Variants in RPH3AL observed in about 807,000 individuals in gnomAD.
RPH3AL encodes the protein rab effector Noc2.
In RPH3AL, 38 loss-of-function variants were observed where a neutral mutation model predicts 43.1. The ratio of observed to expected loss-of-function variants is 0.88; its 90% CI spans 0.68 to 1.15. The LOEUF (loss-of-function observed/expected upper bound fraction) is 1.15. Among genes scored for constraint, RPH3AL ranks in the 50% most tolerant of loss-of-function variants. The pLI is 0.00. For synonymous variants in RPH3AL, 189 were observed against 176.3 expected, an observed-to-expected ratio of 1.07 and a Z score of -0.57; for missense variants, 462 against 423.2, an observed-to-expected ratio of 1.09 and a Z score of -0.81.
chr17:319,383 G>A, intron 5 of RPH3AL, 37 bp downstream of exon 5: 2 of 1,604,018 alleles, frequency 1.2e-6, no homozygotes, highest in South Asian at 1.1e-5. Context: ...GGTCCAGGCT[G>A]GGAAGCCAGA....
chr17:348,299 C>T (rs1364206304), intron 1 of RPH3AL, among the ~76,000 whole-genome samples: 2 of 152,090 alleles, frequency 1.3e-5, no homozygotes, highest in African/African-American at 2.4e-5. Context: ...CATTATTCTC[C>T]CCACATGTCC....
In RPH3AL at chr17:310,315, C is replaced by T. The variant is rs945929564; in HGVS notation, c.351+9105G>A. 1.1e-4 allele frequency among the ~76,000 whole-genome samples: 16 copies of T among 152,272 alleles called. 1 individual carries two copies. The South Asian group carries it at 2.3e-3, about 22-fold the overall frequency. The stretch of plus-strand genomic sequence containing the variant: ...ACGGAGGGGACGCAGCTCCGAGGAC[C>T]GGCATCTCGGCTTCCACCCACAAGC... On this transcript the variant is annotated intron_variant, in intron 5 of 9. Coordinates refer to ENST00000331302, the MANE Select transcript of RPH3AL (RefSeq NM_006987.4).
rs529446226 is a variant in RPH3AL, at chr17:236,852, G to A, written c.613+10259C>T. On this transcript the variant is annotated intron_variant, in intron 7 of 9. Transcript: ENST00000331302. ...GACAGCCTGACGCTGCACGGCTTCC[G>A]CCACGGGCGGGGCATGCGCTGGGTT... 1.3e-4 allele frequency among the ~76,000 whole-genome samples: 20 copies of A among 152,398 alleles called. No individual in the cohort carries two copies. In the East Asian group the frequency reaches 1.5e-3, roughly 12 times the overall value.
intron 5 of RPH3AL, among the ~76,000 whole-genome samples, chr17:284,307 GC>G (rs1567613284): frequency 6.6e-6 from 1 of 152,186 alleles, no homozygotes; most frequent in Non-Finnish European, 1.5e-5. Flanking sequence ...AGGTCACACA[GC>G]TCGTTCACGG....
intron 7 of RPH3AL, among the ~76,000 whole-genome samples, chr17:241,055 C>CAATAATAATAAT (rs57086885): frequency 1.2e-4 from 17 of 143,658 alleles, no homozygotes; most frequent in South Asian, 4.6e-4. Context: ...GACTCCATCT[C>CAATAATAATAAT]AATAATAATA....
At chr17:249,647 G>A (rs1337490743) in intron 6 of RPH3AL, among the ~76,000 whole-genome samples, 1 of 145,942 alleles carries the variant, frequency 6.9e-6, no homozygotes, top group East Asian at 2.0e-4. Context: ...CATCACATTA[G>A]TACTGTGGGA....
At chr17:251,979 T>A (rs1555542742) in intron 6 of RPH3AL, among the ~76,000 whole-genome samples, 1 of 147,806 alleles carries the variant, frequency 6.8e-6, no homozygotes, top group African/African-American at 2.5e-5. Flanking sequence ...TTTTTTACTT[T>A]TTTTTTTTTT....
intron 7 of RPH3AL, among the ~76,000 whole-genome samples, chr17:236,579 G>A (rs903365387): frequency 3.9e-5 from 6 of 152,250 alleles, no homozygotes; most frequent in African/African-American, 1.4e-4. Flanking sequence ...GGTTGGCTTG[G>A]AGGGCTGGCA....
At chr17:275,632 C>T (rs991032824) in intron 6 of RPH3AL, among the ~76,000 whole-genome samples, 7 of 152,208 alleles carry the variant, frequency 4.6e-5, no homozygotes, top group African/African-American at 1.4e-4. Flanking sequence ...ACCGCAGCCT[C>T]GACCTCTGGG....
At chr17:275,304 C>T (rs368052101) in intron 6 of RPH3AL, among the ~76,000 whole-genome samples, 10 of 150,680 alleles carry the variant, frequency 6.6e-5, no homozygotes, top group South Asian at 2.1e-4. Context: ...TAAATAGGTA[C>T]GTATTTTTTA....
At chr17:349,143 G>C (rs925449867) in intron 1 of RPH3AL, 2 of 152,110 alleles carry the variant, frequency 1.3e-5, no homozygotes, top group Non-Finnish European at 2.9e-5. Context: ...GAAAAGGAGG[G>C]ACTTGGCAGG....
intron 2 of RPH3AL, chr17:332,219 G>A: frequency 1.6e-5 from 5 of 308,248 alleles, no homozygotes; most frequent in South Asian, 1.5e-4. Flanking sequence ...GATCCCCAGG[G>A]CCAGGTCTGT....
intron 6 of RPH3AL, among the ~76,000 whole-genome samples, chr17:278,025 G>T (rs1219496144): frequency 6.6e-6 from 1 of 152,002 alleles, no homozygotes; most frequent in African/African-American, 2.4e-5. Flanking sequence ...CACCAACATG[G>T]TCTGACCCAC....
rs552353984 is a variant in RPH3AL at position 346,531 on chromosome 17, C to T, written c.-213+6181G>A. Among the ~76,000 whole-genome samples, 3 of 133,946 alleles carry T rather than the reference C, an allele frequency of 2.2e-5. 1 individual carries two copies. The highest frequency in any genetic ancestry group is 7.7e-5 in the African/African-American group (3 of 39,060). 87.9% of individuals were successfully genotyped at this position (133,946 alleles called of 152,430 possible). The stretch of plus-strand genomic sequence containing the variant: ...CATCAGCTCTCGTGAGACTTATTCA[C>T]TCTCATGAGAACAGCACGGGAAAGA... On this transcript the variant is annotated intron_variant, in intron 1 of 9. Transcript: ENST00000331302.
At chr17:335,374 C>T (rs984417624) in intron 1 of RPH3AL, among the ~76,000 whole-genome samples, 4 of 152,066 alleles carry the variant, frequency 2.6e-5, no homozygotes, top group Non-Finnish European at 4.4e-5. Context: ...CAGTTGGTGT[C>T]GGCCACAGAG....
intron 5 of RPH3AL, among the ~76,000 whole-genome samples, chr17:319,199 A>C (rs958831244): frequency 6.6e-6 from 1 of 152,194 alleles, no homozygotes; most frequent in East Asian, 1.9e-4. Context: ...GTGTGAATCT[A>C]CCAGAAGGGC....
chr17:231,778 C>T (rs1186281316), intron 7 of RPH3AL, among the ~76,000 whole-genome samples: 1 of 152,238 alleles, frequency 6.6e-6, no homozygotes, highest in African/African-American at 2.4e-5. Flanking sequence ...TGTCACCTTG[C>T]AGCTGGAATT....
Position 213,807 on chromosome 17 carries a change from G to T in RPH3AL, c.*45C>A. Reference sequence around the variant, plus strand: ...GTCAGGGAGGAGCCGGGCAGGGTCTGGCAGGAATCCTCCACAGGGAAGTCT... The same window carrying T: ...GTCAGGGAGGAGCCGGGCAGGGTCTTGCAGGAATCCTCCACAGGGAAGTCT... On this transcript the variant is annotated 3_prime_UTR_variant, in exon 10 of 10. Transcript: ENST00000331302. 6.6e-7 allele frequency: 1 copy of T among 1,525,384 alleles called. No homozygotes were observed. Among genetic ancestry groups the T allele is most frequent in the Non-Finnish European group, 9.1e-7 (1 of 1,102,280 alleles). The allele number at this position is 1,525,384 out of a possible 1,614,324, so 94.5% of individuals were successfully genotyped here.
In RPH3AL at chr17:273,717, C is replaced by T. The variant is rs1022024002; in HGVS notation, c.438+8051G>A. 3.9e-5 allele frequency among the ~76,000 whole-genome samples: 6 copies of T among 152,216 alleles called. No homozygotes were observed. The East Asian group carries it at 9.6e-4, about 24-fold the overall frequency. On this transcript the variant is annotated intron_variant, in intron 6 of 9. Transcript: ENST00000331302. ...TTCTTTGCAAATTTCTCTTTCAATC[C>T]ACAAACTTTTCCCGAGCACCTTTAT...
Sources: allele counts gnomAD v4.1 joint callset (sites outside exome capture counted in the v4.1 genomes callset), GRCh38; gene constraint gnomAD v4.1.1; transcripts MANE v1.5; gene names NCBI Gene and HGNC (gene_info 2026-07-23, HGNC 2026-07-21).